Variants in RXRA observed in about 807,000 individuals in gnomAD.
The protein encoded by RXRA is retinoid X receptor alpha.
A neutral mutation model predicts 44.5 loss-of-function variants in RXRA; 5 were observed. The observed-to-expected ratio is 0.11, with a 90% confidence interval of 0.06 to 0.24. The LOEUF (loss-of-function observed/expected upper bound fraction) is 0.24. Among genes scored for constraint, RXRA ranks in the 10% least tolerant of loss-of-function variants. The probability of loss-of-function intolerance (pLI) is 1.00; values close to 1 mark genes in which losing one functional copy is unlikely to be tolerated. For synonymous variants in RXRA, 291 were observed against 271.4 expected (o/e 1.07, Z -0.71); for missense variants, 412 against 646.5 (o/e 0.64, Z 3.93).
At chr9:134,422,641 C>T (rs190716521) in intron 6 of RXRA, 7 of 889,766 alleles carry the variant, frequency 7.9e-6, no homozygotes, top group South Asian at 1.0e-4. Context: ...CCCCTCTCCC[C>T]GGACACTCCC....
chr9:134,392,550 G>A (rs753206533), intron 1 of RXRA, among the ~76,000 whole-genome samples: 2 of 152,178 alleles, frequency 1.3e-5, no homozygotes, highest in African/African-American at 4.8e-5. Context: ...TTTCCATCAC[G>A]GCTCTCCTCT....
At chr9:134,388,503 A>G (rs1830754512) in intron 1 of RXRA, among the ~76,000 whole-genome samples, 1 of 152,058 alleles carries the variant, frequency 6.6e-6, no homozygotes, top group Non-Finnish European at 1.5e-5. Flanking sequence ...ACCTTTCCCC[A>G]TGGCCTCCTG....
chr9:134,420,772 C>T (rs565641372), intron 5 of RXRA, among the ~76,000 whole-genome samples: 3 of 152,208 alleles, frequency 2.0e-5, no homozygotes, highest in African/African-American at 4.8e-5. Flanking sequence ...ACAGAAGGTC[C>T]GTGACCCAAG....
At position 134,438,293 on chromosome 9, in the gene RXRA, G is replaced by A. The variant is rs1191853324; in HGVS notation, c.*1679G>A. On this transcript the variant is annotated 3_prime_UTR_variant, in exon 10 of 10. Transcript: ENST00000481739. ...GGGAGCTGCCTACAGGTTGGACCGG[G>A]AGGCAGTGGCTTGGAGAGGCAGCTT... is the stretch of plus-strand genomic sequence containing the variant. 6.6e-6 allele frequency: 1 copy of A among 152,336 alleles called. No homozygotes were observed. Among genetic ancestry groups the A allele is most frequent in the African/African-American group, 2.4e-5 (1 of 41,458 alleles). The allele number at this position is 152,336 out of a possible 1,614,324, so 9.4% of individuals were successfully genotyped here.
intron 6 of RXRA, chr9:134,424,879 G>A (rs1209093821): frequency 1.0e-6 from 1 of 985,356 alleles, no homozygotes; most frequent in African/African-American, 1.7e-5. Context: ...GGAGGCAGTG[G>A]CAGAGGTGAG....
Position 134,354,601 on chromosome 9 carries a change from G to A in RXRA, c.28+27942G>A, listed in dbSNP as rs956233153. On this transcript the variant is annotated intron_variant, in intron 1 of 9. Transcript: ENST00000481739. Reference sequence around the variant, plus strand: ...GTGGGGGTGGTGCCTGGGCACCAGGGCTCCCTGGTGATTCTGTTGTGCCCC... The same window carrying A: ...GTGGGGGTGGTGCCTGGGCACCAGGACTCCCTGGTGATTCTGTTGTGCCCC... 3.3e-5 allele frequency among the ~76,000 whole-genome samples: 5 copies of A among 152,320 alleles called. No homozygotes were observed. In the East Asian group the frequency reaches 9.7e-4, roughly 29 times the overall value.
intron 1 of RXRA, among the ~76,000 whole-genome samples, chr9:134,384,227 C>T (rs921422786): frequency 6.6e-6 from 1 of 151,958 alleles, no homozygotes; most frequent in Non-Finnish European, 1.5e-5. Context: ...GTCACCCCGG[C>T]GGGGAGTCCT....
rs77071761 is a variant in RXRA at position 134,387,263 on chromosome 9, T to C, written c.29-14369T>C. Among the ~76,000 whole-genome samples, 21 of 152,336 alleles carry C rather than the reference T, an allele frequency of 1.4e-4. No individual in the cohort carries two copies. The East Asian group carries it at 3.7e-3, about 27-fold the overall frequency. Reference sequence around the variant, plus strand: ...TTTCCTGGCAAGGACGTCTGTTAATTGGCATGCACAGAGTGCCAGGGCCCA... The same window carrying C: ...TTTCCTGGCAAGGACGTCTGTTAATCGGCATGCACAGAGTGCCAGGGCCCA... On this transcript the variant is annotated intron_variant, in intron 1 of 9. Transcript: ENST00000481739.
At chr9:134,339,322 C>A (rs1431286283) in intron 1 of RXRA, among the ~76,000 whole-genome samples, 1 of 152,180 alleles carries the variant, frequency 6.6e-6, no homozygotes, top group South Asian at 2.1e-4. Context: ...CGTGTGAGCC[C>A]GTGAGCCTGT....
chr9:134,436,231 C>G (rs35811940), intron 9 of RXRA, among the ~76,000 whole-genome samples: 1,643 of 152,378 alleles, frequency 0.011, 24 homozygotes, highest in African/African-American at 0.037. Flanking sequence ...CATCTCCGTC[C>G]TCAGACCCAG....
chr9:134,416,367 C>G (rs1409675939), intron 4 of RXRA, among the ~76,000 whole-genome samples: 1 of 152,202 alleles, frequency 6.6e-6, no homozygotes, highest in African/African-American at 2.4e-5. Flanking sequence ...GAGCCCATGC[C>G]TGGTGCAGAT....
chr9:134,331,783 C>T (rs1004827875), intron 1 of RXRA, among the ~76,000 whole-genome samples: 3 of 145,988 alleles, frequency 2.1e-5, no homozygotes, highest in Admixed American at 6.8e-5. Context: ...CCTGCTTTTT[C>T]TCCGGCACTT....
Position 134,426,655 on chromosome 9 carries a change from G to A in RXRA, c.911-2453G>A, listed in dbSNP as rs1166386199. The A allele has an allele frequency of 4.1e-6, 4 of 985,290 alleles. No individual in the cohort carries two copies. The highest frequency in any genetic ancestry group is 4.7e-5 in the South Asian group (1 of 21,282). 61.0% of individuals were successfully genotyped at this position (985,290 alleles called of 1,614,324 possible). A position where few individuals can be genotyped will look rare whatever the true frequency, so the allele number is the denominator to read the frequency against. On this transcript the variant is annotated intron_variant, in intron 6 of 9. Transcript: ENST00000481739. The surrounding 1 kb of genome is among the most constrained non-coding windows in gnomAD (Gnocchi z 4.6). ...CTGGGCACACCAGAGTTTCAGAGGCGAGTCTACCCTGGTGCCTGCTGGGTG... is the reference window on the plus strand; with the variant it reads ...CTGGGCACACCAGAGTTTCAGAGGCAAGTCTACCCTGGTGCCTGCTGGGTG...
At chr9:134,360,617 T>A (rs1830338992) in intron 1 of RXRA, among the ~76,000 whole-genome samples, 1 of 152,232 alleles carries the variant, frequency 6.6e-6, no homozygotes, top group African/African-American at 2.4e-5. Flanking sequence ...GAGGCTCTTT[T>A]GAAAGTGGCG....
At chr9:134,409,290 C>T (rs1588294444) in intron 4 of RXRA, among the ~76,000 whole-genome samples, 171 bp downstream of exon 4, 2 of 152,156 alleles carry the variant, frequency 1.3e-5, no homozygotes, top group African/African-American at 4.8e-5. Flanking sequence ...ACACGTGCGG[C>T]CCAGAGCGTG....
chr9:134,420,074 C>T (rs1052776468), intron 5 of RXRA, among the ~76,000 whole-genome samples: 6 of 152,324 alleles, frequency 3.9e-5, no homozygotes, highest in Admixed American at 1.3e-4. Flanking sequence ...TCTTGGCTTC[C>T]GAGAGTGGCC....
intron 1 of RXRA, among the ~76,000 whole-genome samples, chr9:134,363,053 C>T (rs758495291): frequency 1.6e-4 from 25 of 152,188 alleles, no homozygotes; most frequent in Non-Finnish European, 3.7e-4. Context: ...GCCCCTTCTC[C>T]CAGACAGAAG....
intron 1 of RXRA, among the ~76,000 whole-genome samples, chr9:134,339,658 CCTGTGTGTGTGT>C (rs1177093455): frequency 0.013 from 1,351 of 107,668 alleles, 8 homozygotes; most frequent in Non-Finnish European, 0.019. Flanking sequence ...TGTGTGTGTG[CCTGTGTGTGTGT>C]GAGCCTGTGT....
chr9:134,382,362 G>A (rs1001077527), intron 1 of RXRA, among the ~76,000 whole-genome samples: 1 of 152,100 alleles, frequency 6.6e-6, no homozygotes, highest in African/African-American at 2.4e-5. Context: ...TTGGCTGGGA[G>A]GAGTGAGGCC....
Sources: gnomAD v4.1 joint callset for allele counts (sites outside exome capture counted in the v4.1 genomes callset) on GRCh38, gnomAD v4.1.1 for gene constraint, Gnocchi (gnomAD v3.1) non-coding constraint, MANE v1.5 for transcripts, NCBI Gene and HGNC (gene_info 2026-07-23, HGNC 2026-07-21) for gene names.